Variants in COL6A3 observed in about 807,000 individuals in gnomAD.
COL6A3 encodes the protein collagen alpha-3(VI) chain.
COL6A3 carries 137 observed loss-of-function variants against 274.1 expected under a neutral mutation model. The observed-to-expected ratio is 0.50, with a 90% CI of 0.44 to 0.58. COL6A3 has a LOEUF of 0.58. COL6A3 is among the 20% of genes least tolerant of loss of function. The pLI is 0.00. For synonymous variants in COL6A3, 1,650 were observed against 1,650.6 expected, an observed-to-expected ratio of 1.00 and a Z score of 0.01; for missense variants, 3,950 against 4,124.9, an observed-to-expected ratio of 0.96 and a Z score of 1.16.
chr2:237,328,282 G>A (rs535641363), intron 42 of COL6A3: 57 of 152,280 alleles, frequency 3.7e-4, no homozygotes, highest in Non-Finnish European at 2.9e-5. Context: ...AGGAAATGGA[G>A]GCAAGCACAA....
At chr2:237,409,754 G>A (rs548974041) in intron 1 of COL6A3, among the ~76,000 whole-genome samples, 46 of 152,288 alleles carry the variant, frequency 3.0e-4, no homozygotes, top group African/African-American at 9.6e-4. Context: ...AGTATCAAAG[G>A]ACATGTCACG....
In COL6A3 at chr2:237,367,261, G is replaced by T; in HGVS notation, c.4926C>A (p.Phe1642Leu). The T allele has an allele frequency of 6.2e-7, 1 of 1,613,640 alleles. No individual in the cohort carries two copies. Among genetic ancestry groups the T allele is most frequent in the Non-Finnish European group, 8.5e-7 (1 of 1,179,768 alleles). The change falls in exon 11 of 44, where the codon TTC (phenylalanine) becomes TTA (leucine). Residue 1642 changes from phenylalanine to leucine, a missense_variant. Phe to Leu is a conservative substitution (Grantham distance 22). Around this residue, in one of 5 missense-constraint regions of COL6A3, gnomAD observed 632 missense variants for 623.4 expected, o/e 1.01. Coordinates refer to ENST00000295550, the MANE Select transcript of COL6A3 (RefSeq NM_004369.4). ...RPEKKKADIV[F>L]LLDGSINFRR... ...TGAAGTTGATGGAACCATCCAACAG[G>T]AACACAATGTCTGCTTTCTTCTTCT...
intron 1 of COL6A3, among the ~76,000 whole-genome samples, chr2:237,405,545 C>T (rs1410605964): frequency 6.6e-6 from 1 of 152,066 alleles, no homozygotes; most frequent in Non-Finnish European, 1.5e-5. Context: ...GGTAACGTTT[C>T]CTGGGCTTCT....
intron 42 of COL6A3, chr2:237,333,106 G>A (rs771839411): frequency 5.6e-6 from 2 of 358,176 alleles, no homozygotes; most frequent in South Asian, 2.9e-5. Flanking sequence ...TTAAATCACT[G>A]AGTAAATGAA....
rs1338421880 is a variant in COL6A3, at chr2:237,340,579, G to A, written c.8337C>T (p.Asn2779=). 1 of 1,614,180 alleles carries A rather than the reference G, an allele frequency of 6.2e-7. No homozygotes were observed. Among genetic ancestry groups the A allele is most frequent in the Admixed American group, 1.7e-5 (1 of 60,030 alleles). Residue 2779 remains asparagine, a synonymous_variant, in exon 38 of 44, where the codon AAC becomes AAT. Transcript: ENST00000295550. ...FVVLGIGRKV[N]IKEVYTFASE... ...TGGCGAAGGTGTATACCTCCTTGAT[G>A]TTCACCTTCCTGCCAATGCCCAGGA...
In COL6A3 at chr2:237,413,365, A is replaced by C. The variant is rs1422336400; in HGVS notation, c.-31+588T>G. The stretch of plus-strand genomic sequence containing the variant: ...CCTGGAAAGACGAAAGCTTGACGGC[A>C]ATGACTGAGCGACCCTTTACTTGGC... On this transcript the variant is annotated intron_variant, in intron 1 of 43. Transcript: ENST00000295550. This position sits in a 1 kb window ranked among gnomAD's most constrained non-coding sequence, Gnocchi z 4.0. 6.6e-6 allele frequency among the ~76,000 whole-genome samples: 1 copy of C among 152,240 alleles called. No individual in the cohort carries two copies.
Position 237,394,645 on chromosome 2 carries a change from C to T in COL6A3, c.651G>A (p.Val217=). ...CCCTTTCTGGACTCACGGATGAATG[C>T]ACACAGGACACTAAGTTTCCTACTA... is the stretch of plus-strand genomic sequence containing the variant. ...HDIVGNLVSC[V]HSSVSPERAG... is the part of the protein sequence containing the mutation. Residue 217 remains valine, a synonymous_variant, in exon 3 of 44, where the codon GTG becomes GTA. Coordinates refer to ENST00000295550, the MANE Select transcript of COL6A3 (RefSeq NM_004369.4). The T allele has an allele frequency of 6.2e-7, 1 of 1,614,196 alleles. No homozygotes were observed. The highest frequency in any genetic ancestry group is 8.5e-7 in the Non-Finnish European group (1 of 1,180,032).
chr2:237,397,597 G>A (rs142691606), intron 1 of COL6A3, among the ~76,000 whole-genome samples: 1 of 152,152 alleles, frequency 6.6e-6, no homozygotes, highest in South Asian at 2.1e-4. Flanking sequence ...AGGGACCTCA[G>A]ACCTCTTCTT....
At chr2:237,336,623 T>C (rs991576292) in intron 39 of COL6A3, 91 bp from the exon 40 acceptor site, 3 of 1,351,130 alleles carry the variant, frequency 2.2e-6, no homozygotes, top group Non-Finnish European at 3.1e-6. Flanking sequence ...AAATTTGTTT[T>C]AGCAAAATGC....
rs1559211487 is a variant in COL6A3, at chr2:237,347,853, G to A, written c.6983C>T (p.Pro2328Leu). The part of the protein sequence containing the change: ...YPGPKGNPGE[P>L]GLNGTTGPKG... ...GGGTCCTGTTGTTCCATTTAGCCCA[G>A]GTTCACCTGGGTTACCCTGGGAAGA... The change falls in exon 31 of 44, where the codon CCT becomes CTT. Residue 2328 changes from proline (P) to leucine (L), a missense_variant. Coordinates refer to ENST00000295550, the MANE Select transcript of COL6A3 (RefSeq NM_004369.4). The A allele has an allele frequency of 6.2e-7, 1 of 1,610,164 alleles. No homozygotes were observed.
In COL6A3 at chr2:237,395,218, C is replaced by T; in HGVS notation, c.92-14G>A. On this transcript the variant is annotated splice_polypyrimidine_tract_variant and intron_variant, in intron 2 of 43. Transcript: ENST00000295550. The stretch of plus-strand genomic sequence containing the variant: ...CATTTTTGACATCTTTAAAAAAAGA[C>T]ATTGGTTTAGATTTTTCTACTATGT... 2 of 1,612,566 alleles carry T rather than the reference C, an allele frequency of 1.2e-6. No homozygotes were observed. The highest frequency in any genetic ancestry group is 1.7e-6 in the Non-Finnish European group (2 of 1,179,750).
intron 23 of COL6A3, 138 bp downstream of exon 23, chr2:237,357,200 G>C (rs2077337200): frequency 2.5e-6 from 2 of 810,324 alleles, no homozygotes; most frequent in African/African-American, 1.7e-5. Context: ...AAATAGATTG[G>C]AGTAACAACC....
At chr2:237,337,575 T>C (rs1700612526) in intron 39 of COL6A3, among the ~76,000 whole-genome samples, 1 of 152,158 alleles carries the variant, frequency 6.6e-6, no homozygotes, top group Non-Finnish European at 1.5e-5. Flanking sequence ...GTAAGCCAGA[T>C]AGTCATTTTT....
chr2:237,413,685 A>G lies in COL6A3; in HGVS notation c.-31+268T>C, dbSNP rs1368839235. Among the ~76,000 whole-genome samples, 3 of 152,236 alleles carry G rather than the reference A, an allele frequency of 2.0e-5. No homozygotes were observed. The highest frequency in any genetic ancestry group is 7.2e-5 in the African/African-American group (3 of 41,462). On this transcript the variant is annotated intron_variant, in intron 1 of 43. Coordinates refer to ENST00000295550, the MANE Select transcript of COL6A3 (RefSeq NM_004369.4). This position sits in a 1 kb window ranked among gnomAD's most constrained non-coding sequence, Gnocchi z 4.0. Reference sequence around the variant, plus strand: ...AAACACACTGCCGCCCGGAATGCACAGGGCGCGTGTAGCAGCCACAGACAC... The same window carrying G: ...AAACACACTGCCGCCCGGAATGCACGGGGCGCGTGTAGCAGCCACAGACAC...
rs747436841 is a variant in COL6A3 at position 237,374,872 on chromosome 2, G to A, written c.3219C>T (p.Ser1073=). The change falls in exon 8 of 44, where the codon AGC becomes AGT. Residue 1073 remains serine (S), a synonymous_variant. Transcript: ENST00000295550. The surrounding 1 kb of genome is among the most constrained non-coding windows in gnomAD (Gnocchi z 4.8). ...GGTAGAACTCGGGCCTGGTCCGGTC[G>A]CTGTACTGCACCACGGCCACGCGGA... ...DRVRVAVVQY[S]DRTRPEFYLN... is the part of the protein sequence containing the mutation. The A allele has an allele frequency of 2.0e-5, 33 of 1,613,846 alleles. No individual in the cohort carries two copies. Among genetic ancestry groups the A allele is most frequent in the South Asian group, 3.3e-5 (3 of 91,070 alleles).
At position 237,325,711 on chromosome 2, in the gene COL6A3, C is replaced by A; in HGVS notation, c.9342G>T (p.Leu3114Phe). The change falls in exon 43 of 44, where the codon TTG (leucine) becomes TTT (phenylalanine). Residue 3114 changes from leucine (L) to phenylalanine (F), a missense_variant. By Grantham distance (22) the Leu-to-Phe change is conservative. Around this residue, in one of 5 missense-constraint regions of COL6A3, gnomAD observed 1,284 missense variants for 1,349.7 expected, o/e 0.95. Transcript: ENST00000295550. Reference protein sequence around the residue: ...LALTETDICKLPKDEGTCRDF... With the variant: ...LALTETDICKFPKDEGTCRDF... ...CCCTGCAAGTTCCTTCGTCTTTCGG[C>A]AACTTGCATATATCTTTAATAAAAA... is the stretch of plus-strand genomic sequence containing the variant. 1 of 1,613,714 alleles carries A rather than the reference C, an allele frequency of 6.2e-7. No individual in the cohort carries two copies. The highest frequency in any genetic ancestry group is 8.5e-7 in the Non-Finnish European group (1 of 1,179,860).
intron 39 of COL6A3, 45 bp downstream of exon 39, chr2:237,338,970 C>T (rs779190032): frequency 1.3e-6 from 2 of 1,506,520 alleles, no homozygotes; most frequent in South Asian, 1.1e-5. Flanking sequence ...CCTGTGCATT[C>T]CCTGCAGCGC....
intron 11 of COL6A3, 38 bp downstream of exon 11, chr2:237,366,649 C>G (rs1473914699): frequency 6.2e-7 from 1 of 1,614,120 alleles, no homozygotes; most frequent in East Asian, 2.2e-5. Context: ...CAAATGTCAA[C>G]AGGAAAGGAT....
In COL6A3 at chr2:237,372,332, C is replaced by A; in HGVS notation, c.3685G>T (p.Gly1229Cys). The change falls in exon 9 of 44, where the codon GGT becomes TGT. Residue 1229 changes from glycine (G) to cysteine (C), a missense_variant. By Grantham distance (159) the Gly-to-Cys change is radical. Around this residue, in one of 5 missense-constraint regions of COL6A3, gnomAD observed 1,934 missense variants for 1,984.3 expected, o/e 0.97. Transcript: ENST00000295550. ...VLQPLPSPGVGGKRDVVFLID... is the reference protein window; with the variant it reads ...VLQPLPSPGVCGKRDVVFLID... ...AGAAAGACCACGTCCCTCTTGCCACCAACACCTGCGAAACAAATGTGAGCA... is the reference window on the plus strand; with the variant it reads ...AGAAAGACCACGTCCCTCTTGCCACAAACACCTGCGAAACAAATGTGAGCA... The A allele has an allele frequency of 1.2e-6, 2 of 1,605,082 alleles. No individual in the cohort carries two copies. The highest frequency in any genetic ancestry group is 1.7e-6 in the Non-Finnish European group (2 of 1,179,978).
Sources: allele counts gnomAD v4.1 joint callset (sites outside exome capture counted in the v4.1 genomes callset), GRCh38; gene constraint gnomAD v4.1.1; regional missense constraint gnomAD v4.1.1; non-coding constraint Gnocchi (gnomAD v3.1); transcripts MANE v1.5; gene names NCBI Gene and HGNC (gene_info 2026-07-23, HGNC 2026-07-21).